Variants in CDH4 observed in about 807,000 individuals in gnomAD.
The protein encoded by CDH4 is cadherin-4.
CDH4 carries 33 observed loss-of-function variants against 86.0 expected under a neutral mutation model. The observed-to-expected ratio is 0.38, with a 90% confidence interval of 0.29 to 0.51. The LOEUF (loss-of-function observed/expected upper bound fraction) is 0.51, where lower values mean the gene tolerates loss of function less well. Ranked by LOEUF, CDH4 falls within the 20% of genes least tolerant of loss-of-function variation. CDH4 has a pLI of 0.86. For synonymous variants in CDH4, 555 were observed against 549.4 expected, an observed-to-expected ratio of 1.01 and a Z score of -0.14; for missense variants, 1,114 against 1,307.4, an observed-to-expected ratio of 0.85 and a Z score of 2.28.
chr20:61,620,451 A>T (rs1288597029), intron 2 of CDH4, among the ~76,000 whole-genome samples: 1 of 151,800 alleles, frequency 6.6e-6, no homozygotes, highest in Non-Finnish European at 1.5e-5. Flanking sequence ...TGATGGATGG[A>T]TGATTGATAG....
chr20:61,925,495 G>A (rs911747407), intron 11 of CDH4, among the ~76,000 whole-genome samples: 1 of 152,238 alleles, frequency 6.6e-6, no homozygotes, highest in Non-Finnish European at 1.5e-5. Context: ...GCCTGGCTCA[G>A]AGCAGCATGG....
At position 61,425,653 on chromosome 20, in the gene CDH4, G is replaced by A. The variant is rs565794051; in HGVS notation, c.169+170716G>A. On this transcript the variant is annotated intron_variant, in intron 2 of 15. Transcript: ENST00000614565. ...AGCGCACAGAAACCCGGGTGACGGCGCAGCCTGGACAGGACATTCTCGAGG... is the reference window on the plus strand; with the variant it reads ...AGCGCACAGAAACCCGGGTGACGGCACAGCCTGGACAGGACATTCTCGAGG... 8.5e-5 allele frequency among the ~76,000 whole-genome samples: 13 copies of A among 152,364 alleles called. No individual in the cohort carries two copies. The East Asian group carries it at 9.7e-4, about 11-fold the overall frequency.
chr20:61,467,348 G>T (rs76936917), intron 2 of CDH4, among the ~76,000 whole-genome samples: 3 of 152,280 alleles, frequency 2.0e-5, no homozygotes, highest in African/African-American at 4.8e-5. Flanking sequence ...CATTTGGGTT[G>T]GTTCTTTTTG....
intron 2 of CDH4, among the ~76,000 whole-genome samples, chr20:61,307,213 G>A (rs2084422018): frequency 6.6e-6 from 1 of 152,224 alleles, no homozygotes; most frequent in African/African-American, 2.4e-5. Context: ...GTTGGAGCTT[G>A]CACTCAGCAC....
chr20:61,301,535 T>A (rs1269732311), intron 2 of CDH4, among the ~76,000 whole-genome samples: 1 of 152,222 alleles, frequency 6.6e-6, no homozygotes, highest in Non-Finnish European at 1.5e-5. Flanking sequence ...TTTTTGCTGC[T>A]TTTTAAGTCG....
chr20:61,468,048 G>A (rs995971957), intron 2 of CDH4, among the ~76,000 whole-genome samples: 1 of 152,226 alleles, frequency 6.6e-6, no homozygotes, highest in African/African-American at 2.4e-5. Flanking sequence ...GTGTGGCAGT[G>A]TATGTGGAAT....
At chr20:61,593,597 G>C (rs1305824207) in intron 2 of CDH4, among the ~76,000 whole-genome samples, 3 of 152,200 alleles carry the variant, frequency 2.0e-5, no homozygotes, top group Admixed American at 6.5e-5. Context: ...CAGAATGAGA[G>C]TCACTCAGTT....
chr20:61,386,968 A>T (rs2084954947), intron 2 of CDH4, among the ~76,000 whole-genome samples: 1 of 152,248 alleles, frequency 6.6e-6, no homozygotes, highest in Non-Finnish European at 1.5e-5. Context: ...TGCCCATGGG[A>T]GGAACTCCCG....
chr20:61,469,176 A>T (rs1430311238), intron 2 of CDH4, among the ~76,000 whole-genome samples: 1 of 152,154 alleles, frequency 6.6e-6, no homozygotes, highest in Admixed American at 6.6e-5. Context: ...CCCACAGTGT[A>T]TGAGGGTTCC....
At position 61,393,830 on chromosome 20, in the gene CDH4, C is replaced by G. The variant is rs973282254; in HGVS notation, c.169+138893C>G. ...GTGTGAGAGCTACTGCCACCTTCAC[C>G]ACCAAGACAGTTGCACCATGGGCTT... is the stretch of plus-strand genomic sequence containing the variant. On this transcript the variant is annotated intron_variant, in intron 2 of 15. Coordinates refer to ENST00000614565, the MANE Select transcript of CDH4 (RefSeq NM_001794.5). The surrounding 1 kb of genome is among the most constrained non-coding windows in gnomAD (Gnocchi z 4.3). Among the ~76,000 whole-genome samples, 4 of 152,066 alleles carry G rather than the reference C, an allele frequency of 2.6e-5. No homozygotes were observed. Among genetic ancestry groups the G allele is most frequent in the African/African-American group, 9.7e-5 (4 of 41,406 alleles).
intron 2 of CDH4, among the ~76,000 whole-genome samples, chr20:61,604,591 G>C (rs750467190): frequency 6.6e-6 from 1 of 151,930 alleles, no homozygotes; most frequent in Non-Finnish European, 1.5e-5. Context: ...GGGAAGGGAA[G>C]TGAGGGGTGC....
At chr20:61,705,742 T>G (rs948044756) in intron 2 of CDH4, among the ~76,000 whole-genome samples, 1 of 152,212 alleles carries the variant, frequency 6.6e-6, no homozygotes, top group African/African-American at 2.4e-5. Flanking sequence ...TCACGACAGC[T>G]TTGAGTGTGA....
intron 2 of CDH4, among the ~76,000 whole-genome samples, chr20:61,489,388 T>C (rs1390188720): frequency 6.6e-6 from 1 of 152,238 alleles, no homozygotes; most frequent in Non-Finnish European, 1.5e-5. Context: ...CTACACCTAC[T>C]CTATGGCCCA....
chr20:61,780,239 C>A (rs913931417), intron 4 of CDH4, among the ~76,000 whole-genome samples: 2 of 152,152 alleles, frequency 1.3e-5, no homozygotes, highest in African/African-American at 4.8e-5. Context: ...TGGTCACCTG[C>A]AGTCCTGTGC....
chr20:61,831,343 A>G (rs1379693925), intron 4 of CDH4, among the ~76,000 whole-genome samples: 1 of 152,240 alleles, frequency 6.6e-6, no homozygotes, highest in Non-Finnish European at 1.5e-5. Flanking sequence ...ACTGAGAAGC[A>G]GCCATTTCTT....
At chr20:61,327,481 A>G (rs969624468) in intron 2 of CDH4, among the ~76,000 whole-genome samples, 1 of 152,234 alleles carries the variant, frequency 6.6e-6, no homozygotes, top group African/African-American at 2.4e-5. Flanking sequence ...CACATTTACT[A>G]CATGCAGAAT....
chr20:61,734,107 C>T (rs1344099985), intron 2 of CDH4, among the ~76,000 whole-genome samples: 3 of 152,162 alleles, frequency 2.0e-5, no homozygotes. Context: ...GCTGCCGGCT[C>T]CTCTGTGGGT....
chr20:61,882,694 T>C (rs75414077), intron 7 of CDH4, among the ~76,000 whole-genome samples: 1 of 152,134 alleles, frequency 6.6e-6, no homozygotes, highest in African/African-American at 2.4e-5. Flanking sequence ...TCTAGGTCTA[T>C]CAAAAGTGAG....
At position 61,416,008 on chromosome 20, in the gene CDH4, CTT is replaced by C. The variant is rs200908333; in HGVS notation, c.169+161087_169+161088del. Reference sequence around the variant, plus strand: ...AGCCACCATGCCTGGCCTCTCCTTCCTTTTTTTTTTTTTTTTTCCCCGAAACA... The same window carrying C: ...AGCCACCATGCCTGGCCTCTCCTTCCTTTTTTTTTTTTTTTCCCCGAAACA... On this transcript the variant is annotated intron_variant, in intron 2 of 15. Transcript: ENST00000614565. Among the ~76,000 whole-genome samples, 431 of 135,366 alleles carry C rather than the reference CTT, an allele frequency of 3.2e-3. 1 individual carries two copies. The highest frequency in any genetic ancestry group is 6.6e-3 in the South Asian group (27 of 4,070). The allele number at this position is 135,366 out of a possible 152,430, so 88.8% of individuals were successfully genotyped here. A position where few individuals can be genotyped will look rare whatever the true frequency, so the allele number is the denominator to read the frequency against.
Sources: gnomAD v4.1 joint callset for allele counts (sites outside exome capture counted in the v4.1 genomes callset) on GRCh38, gnomAD v4.1.1 for gene constraint, Gnocchi (gnomAD v3.1) non-coding constraint, MANE v1.5 for transcripts, NCBI Gene and HGNC (gene_info 2026-07-23, HGNC 2026-07-21) for gene names.